The following TMEM255B variants were observed in gnomAD, a reference collection of about 807,000 sequenced individuals.
The protein encoded by TMEM255B is family with sequence similarity 70, member B.
In TMEM255B, 35 loss-of-function variants were observed where a neutral mutation model predicts 34.5. The ratio of observed to expected loss-of-function variants is 1.01; its 90% CI spans 0.77 to 1.34. The LOEUF is 1.34. Ranked by LOEUF, TMEM255B falls within the 40% of genes most tolerant of loss-of-function variation. TMEM255B has a pLI of 0.00. For missense variants in TMEM255B, 432 were observed against 433.2 expected, an observed-to-expected ratio of 1.00 and a Z score of 0.02; for synonymous variants, 206 against 201.2, an observed-to-expected ratio of 1.02 and a Z score of -0.20.
chr13:113,811,250 GGT>G (rs1401503915), intron 8 of TMEM255B, among the ~76,000 whole-genome samples: 1 of 131,144 alleles, frequency 7.6e-6, no homozygotes, highest in African/African-American at 3.1e-5. Flanking sequence ...GGGTCTGTGG[GGT>G]GGGGGCCCGT....
At chr13:113,767,684 T>A (rs1218436437) in intron 2 of TMEM255B, among the ~76,000 whole-genome samples, 1 of 152,164 alleles carries the variant, frequency 6.6e-6, no homozygotes, top group Non-Finnish European at 1.5e-5. Flanking sequence ...AGACAACAAA[T>A]AAAAGCAGCT....
intron 8 of TMEM255B, 121 bp from the exon 9 acceptor site, chr13:113,811,615 G>A (rs1453080058): frequency 1.7e-6 from 2 of 1,183,928 alleles, no homozygotes; most frequent in Non-Finnish European, 2.4e-6. Flanking sequence ...TCTGCGGGTG[G>A]CCCTGGGTTG....
intron 1 of TMEM255B, among the ~76,000 whole-genome samples, chr13:113,762,800 G>A (rs143062633): frequency 7.0e-4 from 107 of 152,292 alleles, no homozygotes; most frequent in African/African-American, 2.5e-3. Context: ...GGAGCCCCAC[G>A]GAAGGTTCTA....
chr13:113,770,155 C>G lies in TMEM255B; in HGVS notation c.252+995C>G, dbSNP rs1192151178. Among the ~76,000 whole-genome samples the G allele has an allele frequency of 6.6e-6, 1 of 152,178 alleles. No individual in the cohort carries two copies. Among genetic ancestry groups the G allele is most frequent in the Non-Finnish European group, 1.5e-5 (1 of 68,036 alleles). ...TAATTGAACTCACAGTTCCACGTGGCTGGGGAAGCCTCACGATCACGGCGG... is the reference window on the plus strand; with the variant it reads ...TAATTGAACTCACAGTTCCACGTGGGTGGGGAAGCCTCACGATCACGGCGG... On this transcript the variant is annotated intron_variant, in intron 3 of 8. Coordinates refer to ENST00000375353, the MANE Select transcript of TMEM255B (RefSeq NM_182614.4). This position sits in a 1 kb window ranked among gnomAD's most constrained non-coding sequence, Gnocchi z 4.6.
chr13:113,801,739 C>G lies in TMEM255B; in HGVS notation c.596C>G (p.Ser199Cys), dbSNP rs1336406065. ...CACCTGTACCGCCTGCTCTGGGCCT[C>G]TGCAGTTCTGAACGTCCTGGGCCTG... ...VLHLYRLLWA[S>C]AVLNVLGLFL... Residue 199 changes from serine (S) to cysteine (C), a missense_variant, in exon 7 of 9, where the codon TCT (serine) becomes TGT (cysteine). Coordinates refer to ENST00000375353, the MANE Select transcript of TMEM255B (RefSeq NM_182614.4). 6.2e-7 allele frequency: 1 copy of G among 1,613,284 alleles called. No individual in the cohort carries two copies. Among genetic ancestry groups the G allele is most frequent in the Admixed American group, 1.7e-5 (1 of 59,966 alleles).
At chr13:113,766,888 G>A (rs562748065) in intron 2 of TMEM255B, among the ~76,000 whole-genome samples, 17 of 152,254 alleles carry the variant, frequency 1.1e-4, no homozygotes, top group Middle Eastern at 3.4e-3. Flanking sequence ...GGCAAGAATT[G>A]GTCACCCAGA....
chr13:113,806,106 T>C lies in TMEM255B; in HGVS notation c.813+1078T>C, dbSNP rs371226052. Among the ~76,000 whole-genome samples, 12 of 152,254 alleles carry C rather than the reference T, an allele frequency of 7.9e-5. No homozygotes were observed. The East Asian group carries it at 2.3e-3, about 29-fold the overall frequency. On this transcript the variant is annotated intron_variant, in intron 8 of 8. Coordinates refer to ENST00000375353, the MANE Select transcript of TMEM255B (RefSeq NM_182614.4). This position sits in a 1 kb window ranked among gnomAD's most constrained non-coding sequence, Gnocchi z 4.2. The stretch of plus-strand genomic sequence containing the variant: ...GACACATGACGTTGTCAGGAAAAGA[T>C]CTTCCTTAGAGGGACATCCGGGGGA...
In TMEM255B at chr13:113,806,668, CAT is replaced by C. The variant is rs1274049124; in HGVS notation, c.813+1641_813+1642del. On this transcript the variant is annotated intron_variant, in intron 8 of 8. Transcript: ENST00000375353. This position sits in a 1 kb window ranked among gnomAD's most constrained non-coding sequence, Gnocchi z 4.2. ...GTCTGCTTGGTGCCACAGGCAGCTT[CAT>C]CCTTCCCCAAGCCTCCTGCCCCTGC... Among the ~76,000 whole-genome samples, 1 of 152,168 alleles carries C rather than the reference CAT, an allele frequency of 6.6e-6. No individual in the cohort carries two copies. Among genetic ancestry groups the C allele is most frequent in the Non-Finnish European group, 1.5e-5 (1 of 68,004 alleles).
chr13:113,777,945 T>A (rs934280047), intron 3 of TMEM255B, among the ~76,000 whole-genome samples: 2 of 152,178 alleles, frequency 1.3e-5, no homozygotes, highest in African/African-American at 4.8e-5. Context: ...GCGTGGTCTC[T>A]GGGGGTTTCC....
chr13:113,798,761 A>G (rs1185363072), intron 4 of TMEM255B, among the ~76,000 whole-genome samples: 12 of 151,714 alleles, frequency 7.9e-5, no homozygotes, highest in Admixed American at 7.9e-4. Flanking sequence ...GGGTGGATGG[A>G]TGGATGTGGA....
chr13:113,796,612 G>A (rs1468987636), intron 4 of TMEM255B, among the ~76,000 whole-genome samples: 1 of 152,084 alleles, frequency 6.6e-6, no homozygotes, highest in Non-Finnish European at 1.5e-5. Flanking sequence ...AAAGTCGCAG[G>A]CCAAGGAATC....
At chr13:113,796,456 C>A (rs2050941315) in intron 4 of TMEM255B, among the ~76,000 whole-genome samples, 1 of 137,852 alleles carries the variant, frequency 7.3e-6, no homozygotes, top group Non-Finnish European at 1.6e-5. Context: ...ACAGAGTACA[C>A]ACCACACACA....
At chr13:113,774,105 C>T (rs1280935374) in intron 3 of TMEM255B, among the ~76,000 whole-genome samples, 7 of 151,312 alleles carry the variant, frequency 4.6e-5, no homozygotes, top group Non-Finnish European at 1.0e-4. Context: ...AACTCCATCA[C>T]TTGTCCTGTT....
chr13:113,760,594 T>G (rs1176121432), intron 1 of TMEM255B, among the ~76,000 whole-genome samples: 1 of 152,094 alleles, frequency 6.6e-6, no homozygotes, highest in Non-Finnish European at 1.5e-5. Context: ...TGGATTATGG[T>G]CTTTCTGCTT....
At chr13:113,771,987 T>A (rs372965048) in intron 3 of TMEM255B, among the ~76,000 whole-genome samples, 6 of 152,192 alleles carry the variant, frequency 3.9e-5, no homozygotes, top group African/African-American at 1.4e-4. Flanking sequence ...AGGGCTCCTG[T>A]TTCTCCACTC....
intron 4 of TMEM255B, among the ~76,000 whole-genome samples, chr13:113,798,141 G>T (rs2050973635): frequency 6.6e-6 from 1 of 152,146 alleles, no homozygotes; most frequent in Non-Finnish European, 1.5e-5. Context: ...GGATGTGGAT[G>T]AATGGAAGTA....
At position 113,813,886 on chromosome 13, in the gene TMEM255B, G is replaced by C. The variant is rs569846790; in HGVS notation, c.*1983G>C. 8 of 152,236 alleles carry C rather than the reference G, an allele frequency of 5.3e-5. No individual in the cohort carries two copies. The highest frequency in any genetic ancestry group is 1.9e-4 in the African/African-American group (8 of 41,446). The allele number at this position is 152,236 out of a possible 1,614,324, so 9.4% of individuals were successfully genotyped here. ...GAGGTCGGGCACGAGCCGGAGGTGC[G>C]GCGTCCTGTCTGGAAATCACCGCCC... On this transcript the variant is annotated 3_prime_UTR_variant, in exon 9 of 9. Transcript: ENST00000375353.
chr13:113,769,310 C>G lies in TMEM255B; in HGVS notation c.252+150C>G. On this transcript the variant is annotated intron_variant, in intron 3 of 8. Coordinates refer to ENST00000375353, the MANE Select transcript of TMEM255B (RefSeq NM_182614.4). This position sits in a 1 kb window ranked among gnomAD's most constrained non-coding sequence, Gnocchi z 4.2. ...TGAGGTTCCCGGGCTGTGGCCTGCA[C>G]AGTCCTGGATACAGGGTTCAGCGAG... 1 of 811,588 alleles carries G rather than the reference C, an allele frequency of 1.2e-6. No homozygotes were observed. The allele number at this position is 811,588 out of a possible 1,614,324, so 50.3% of individuals were successfully genotyped here. A position where few individuals can be genotyped will look rare whatever the true frequency, so the allele number is the denominator to read the frequency against.
intron 8 of TMEM255B, among the ~76,000 whole-genome samples, chr13:113,808,893 GCTCCATGGTTCCTGGGGGTTTA>G (rs1470008061): frequency 1.7e-5 from 2 of 120,216 alleles, no homozygotes; most frequent in Non-Finnish European, 3.5e-5. Flanking sequence ...CTGGGGGTTT[GCTCCATGGTTCCTGGGGGTTTA>G]CTCTGTGGTT....
Sources: gnomAD v4.1 joint callset for allele counts (sites outside exome capture counted in the v4.1 genomes callset) on GRCh38, gnomAD v4.1.1 for gene constraint, Gnocchi (gnomAD v3.1) non-coding constraint, MANE v1.5 for transcripts, NCBI Gene and HGNC (gene_info 2026-07-23, HGNC 2026-07-21) for gene names.